The following BTC variants were observed in gnomAD, a reference collection of about 807,000 sequenced individuals.
BTC encodes the protein probetacellulin.
Under a neutral mutation model 18.1 loss-of-function variants are expected in BTC, and 13 were observed. The ratio of observed to expected loss-of-function variants is 0.72; its 90% CI spans 0.47 to 1.14. The LOEUF (loss-of-function observed/expected upper bound fraction) is 1.14, where lower values mean the gene tolerates loss of function less well. Ranked by LOEUF, BTC falls within the 50% of genes most tolerant of loss-of-function variation. The probability of loss-of-function intolerance (pLI) is 0.00; values close to 1 mark genes in which losing one functional copy is unlikely to be tolerated. For synonymous variants in BTC, 83 were observed against 79.4 expected, an observed-to-expected ratio of 1.05 and a Z score of -0.24; for missense variants, 247 against 224.2, an observed-to-expected ratio of 1.10 and a Z score of -0.65.
At chr4:74,784,667 C>G (rs1367538320) in intron 1 of BTC, among the ~76,000 whole-genome samples, 1 of 152,196 alleles carries the variant, frequency 6.6e-6, no homozygotes, top group Non-Finnish European at 1.5e-5. Flanking sequence ...GCCTTTTCTG[C>G]ATCTATTGAG....
At chr4:74,759,240 A>G (rs1724684871) in intron 2 of BTC, among the ~76,000 whole-genome samples, 3 of 151,828 alleles carry the variant, frequency 2.0e-5, no homozygotes, top group African/African-American at 7.3e-5. Context: ...CTATGACAAA[A>G]TAGGGATTGG....
chr4:74,769,819 T>C (rs1277216990), intron 2 of BTC, among the ~76,000 whole-genome samples: 1 of 152,146 alleles, frequency 6.6e-6, no homozygotes, highest in East Asian at 1.9e-4. Context: ...TTTGCTGTTT[T>C]CCAGCTGTAT....
chr4:74,770,519 G>A (rs1011690612), intron 1 of BTC, among the ~76,000 whole-genome samples: 6 of 152,126 alleles, frequency 3.9e-5, no homozygotes, highest in Non-Finnish European at 5.9e-5. Context: ...GAACCTGCAC[G>A]GCAAGCAAAG....
chr4:74,746,861 C>G (rs1411362677), intron 5 of BTC, among the ~76,000 whole-genome samples, 186 bp from the exon 6 acceptor site: 5 of 152,198 alleles, frequency 3.3e-5, no homozygotes, highest in Non-Finnish European at 5.9e-5. Context: ...CTGGGATTTT[C>G]TGGAAGAGAT....
intron 1 of BTC, among the ~76,000 whole-genome samples, chr4:74,780,609 T>C (rs909747382): frequency 6.6e-6 from 1 of 152,218 alleles, no homozygotes; most frequent in East Asian, 1.9e-4. Context: ...CATTTACCTA[T>C]TGTAGTTGTG....
intron 1 of BTC, among the ~76,000 whole-genome samples, chr4:74,780,040 T>A (rs1306078441): frequency 6.6e-6 from 1 of 151,928 alleles, no homozygotes; most frequent in Non-Finnish European, 1.5e-5. Flanking sequence ...TAGAAATGAG[T>A]TTGGTGTCTT....
Position 74,750,863 on chromosome 4 carries a change from G to T in BTC, c.282-144C>A, listed in dbSNP as rs145436380. On this transcript the variant is annotated intron_variant, in intron 3 of 5. Transcript: ENST00000395743. ...TTTTTAAAAAAAGATGCACTACTTT[G>T]TTGACCAGTAATTTCAATTTTTTTT... 694 of 1,135,360 alleles carry T rather than the reference G, an allele frequency of 6.1e-4. 5 individuals carry two copies. In the East Asian group the frequency reaches 0.013, roughly 22 times the overall value. 70.3% of individuals were successfully genotyped at this position (1,135,360 alleles called of 1,614,324 possible).
intron 3 of BTC, among the ~76,000 whole-genome samples, chr4:74,754,374 G>A (rs1724542157): frequency 6.6e-6 from 1 of 152,194 alleles, no homozygotes; most frequent in South Asian, 2.1e-4. Context: ...CACTGTCACA[G>A]AAGGCACATT....
In BTC at chr4:74,755,889, A is replaced by C. The variant is rs1321493967; in HGVS notation, c.251T>G (p.Phe84Cys). Residue 84 changes from phenylalanine (F) to cysteine (C), a missense_variant, in exon 3 of 6, where the codon TTC becomes TGC. Phe to Cys is a radical substitution (Grantham distance 205). Transcript: ENST00000395743. ...KHYCIKGRCR[F>C]VVAEQTPSCV... ...GGAGGGCGTCTGCTCGGCCACCACG[A>C]AGCGGCATCTCCCTTTGATGCAGTA... The C allele has an allele frequency of 1.2e-6, 2 of 1,614,004 alleles. No homozygotes were observed. The highest frequency in any genetic ancestry group is 2.7e-5 in the African/African-American group (2 of 74,912).
chr4:74,780,516 T>C lies in BTC; in HGVS notation c.65-10360A>G, dbSNP rs372807774. ...ACCTAAAAATGAGCAGGGATTTTCC[T>C]CACAGAAGTCTTCTATCACAGGATG... On this transcript the variant is annotated intron_variant, in intron 1 of 5. Coordinates refer to ENST00000395743, the MANE Select transcript of BTC (RefSeq NM_001729.4). 6.2e-4 allele frequency among the ~76,000 whole-genome samples: 94 copies of C among 152,326 alleles called. 1 individual carries two copies. The East Asian group carries it at 0.01, about 16-fold the overall frequency.
At chr4:74,791,628 T>C (rs1725631422) in intron 1 of BTC, among the ~76,000 whole-genome samples, 1 of 152,182 alleles carries the variant, frequency 6.6e-6, no homozygotes. Flanking sequence ...TCTGTCTTTA[T>C]AAAATTTCTC....
At chr4:74,752,481 C>T (rs1724490409) in intron 3 of BTC, among the ~76,000 whole-genome samples, 1 of 150,502 alleles carries the variant, frequency 6.6e-6, no homozygotes, top group African/African-American at 2.4e-5. Context: ...CGGGTTCAAG[C>T]GATTCTCCTG....
chr4:74,762,919 A>G (rs1296803535), intron 2 of BTC, among the ~76,000 whole-genome samples: 3 of 152,342 alleles, frequency 2.0e-5, no homozygotes, highest in Non-Finnish European at 4.4e-5. Flanking sequence ...CTGATTTTCA[A>G]CACCTCTGGA....
intron 1 of BTC, among the ~76,000 whole-genome samples, chr4:74,793,333 C>A (rs567865540): frequency 2.0e-5 from 3 of 152,196 alleles, no homozygotes; most frequent in Non-Finnish European, 2.9e-5. Flanking sequence ...TAGGCTCCCC[C>A]TCTCTTTCCT....
intron 1 of BTC, among the ~76,000 whole-genome samples, chr4:74,792,785 C>G (rs148081746): frequency 6.6e-6 from 1 of 152,346 alleles, no homozygotes; most frequent in South Asian, 2.1e-4. Context: ...GGCACGCATT[C>G]GTGTCCTCCA....
At chr4:74,774,591 T>TG (rs111795986) in intron 1 of BTC, among the ~76,000 whole-genome samples, 1 of 144,608 alleles carries the variant, frequency 6.9e-6, no homozygotes, top group Non-Finnish European at 1.5e-5. Flanking sequence ...GGGCATTCTT[T>TG]AAAAAAAAAA....
intron 1 of BTC, among the ~76,000 whole-genome samples, chr4:74,788,810 C>T (rs1265921898): frequency 2.0e-5 from 3 of 152,192 alleles, no homozygotes; most frequent in African/African-American, 7.2e-5. Flanking sequence ...ACCTGGTCTG[C>T]CTATTTGGCA....
chr4:74,783,169 T>A (rs1483760282), intron 1 of BTC, among the ~76,000 whole-genome samples: 1 of 152,236 alleles, frequency 6.6e-6, no homozygotes, highest in East Asian at 1.9e-4. Context: ...CATGAAATCT[T>A]TGTCCATGCC....
chr4:74,756,041 T>C, intron 2 of BTC, 65 bp from the exon 3 acceptor site: 1 of 1,305,320 alleles, frequency 7.7e-7, no homozygotes, highest in African/African-American at 1.5e-5. Context: ...AATAGAATCA[T>C]ATTCTTATCT....
Sources: allele counts gnomAD v4.1 joint callset (sites outside exome capture counted in the v4.1 genomes callset), GRCh38; gene constraint gnomAD v4.1.1; transcripts MANE v1.5; gene names NCBI Gene and HGNC (gene_info 2026-07-23, HGNC 2026-07-21).